Variants in WWOX observed in about 807,000 individuals in gnomAD.
The protein encoded by WWOX is WW domain containing oxidoreductase.
A neutral mutation model predicts 46.2 loss-of-function variants in WWOX; 69 were observed. The ratio of observed to expected loss-of-function variants is 1.49; its 90% CI spans 1.23 to 1.82. The LOEUF (loss-of-function observed/expected upper bound fraction) is 1.82. Among genes scored for constraint, WWOX ranks in the 40% most tolerant of loss-of-function variants. The pLI, the probability that WWOX is intolerant of heterozygous loss-of-function variation, is 0.00. For missense variants in WWOX, 919 were observed against 542.6 expected, an observed-to-expected ratio of 1.69 and a Z score of -6.89; for synonymous variants, 359 against 202.6, an observed-to-expected ratio of 1.77 and a Z score of -6.56.
At chr16:78,246,712 T>C (rs2037825365) in intron 5 of WWOX, among the ~76,000 whole-genome samples, 1 of 152,204 alleles carries the variant, frequency 6.6e-6, no homozygotes, top group African/African-American at 2.4e-5. Context: ...AACTTCCTCT[T>C]CTGAAGCCAG....
chr16:78,758,806 A>G (rs74033557), intron 8 of WWOX, among the ~76,000 whole-genome samples: 2 of 152,090 alleles, frequency 1.3e-5, no homozygotes, highest in Non-Finnish European at 2.9e-5. Flanking sequence ...AGCATTTGCT[A>G]TAAGGAGGAT....
intron 8 of WWOX, among the ~76,000 whole-genome samples, chr16:78,968,549 T>C (rs1198478125): frequency 2.6e-5 from 4 of 152,180 alleles, no homozygotes; most frequent in Admixed American, 2.6e-4. Context: ...CTGTTATAAG[T>C]TGGTTTCACA....
Position 78,307,037 on chromosome 16 carries a change from A to G in WWOX, c.517-79823A>G, listed in dbSNP as rs79193428. The stretch of plus-strand genomic sequence containing the variant: ...TTCTCCATTATATCTTTGTTAGATA[A>G]TAGTTAGCAACCCATTAATAACTTC... On this transcript the variant is annotated intron_variant, in intron 5 of 8. Coordinates refer to ENST00000566780, the MANE Select transcript of WWOX (RefSeq NM_016373.4). Among the ~76,000 whole-genome samples the G allele has an allele frequency of 5.8e-3, 883 of 152,308 alleles. 13 individuals carry two copies. The highest frequency in any genetic ancestry group is 0.02 in the African/African-American group (847 of 41,560).
At chr16:78,718,972 T>A (rs926638161) in intron 8 of WWOX, among the ~76,000 whole-genome samples, 5 of 139,718 alleles carry the variant, frequency 3.6e-5, no homozygotes, top group African/African-American at 1.7e-4. Context: ...CTCATTCACA[T>A]TTTTTTGAGT....
At chr16:78,243,649 C>T (rs144236830) in intron 5 of WWOX, among the ~76,000 whole-genome samples, 206 of 152,256 alleles carry the variant, frequency 1.4e-3, no homozygotes, top group African/African-American at 4.7e-3. Context: ...TGGGTTCAAG[C>T]GATTCTTGTG....
intron 8 of WWOX, among the ~76,000 whole-genome samples, chr16:78,759,815 G>T (rs1042255616): frequency 6.6e-6 from 1 of 152,182 alleles, no homozygotes; most frequent in Admixed American, 6.5e-5. Context: ...GTTTTATGGA[G>T]TGAAAATCAA....
chr16:79,148,718 T>A (rs1434178463), intron 8 of WWOX, among the ~76,000 whole-genome samples: 2 of 152,210 alleles, frequency 1.3e-5, no homozygotes, highest in Admixed American at 6.5e-5. Context: ...ACATGGTATG[T>A]AATTCTATTT....
intron 5 of WWOX, among the ~76,000 whole-genome samples, chr16:78,256,965 G>T (rs561544817): frequency 6.6e-5 from 10 of 152,218 alleles, no homozygotes; most frequent in Admixed American, 6.5e-4. Context: ...AGGTCTAGAT[G>T]CATTTGCTTC....
At chr16:78,936,122 G>A (rs188635091) in intron 8 of WWOX, among the ~76,000 whole-genome samples, 1 of 152,174 alleles carries the variant, frequency 6.6e-6, no homozygotes, top group Non-Finnish European at 1.5e-5. Flanking sequence ...GTAATGATGA[G>A]TTTTGGTCTG....
rs56852814 is a variant in WWOX at position 78,923,794 on chromosome 16, GTTT to G, written c.1057-287793_1057-287791del. ...GATTGCTAGGAACTGTTTTTAGTTA[GTTT>G]TTTTTTTTTTTTTTTTTTTTCAGAC... is the stretch of plus-strand genomic sequence containing the variant. On this transcript the variant is annotated intron_variant, in intron 8 of 8. Coordinates refer to ENST00000566780, the MANE Select transcript of WWOX (RefSeq NM_016373.4). Among the ~76,000 whole-genome samples, 77 of 102,154 alleles carry G rather than the reference GTTT, an allele frequency of 7.5e-4. 2 individuals carry two copies. Among genetic ancestry groups the G allele is most frequent in the East Asian group, 1.1e-3 (4 of 3,562 alleles). 67.0% of individuals were successfully genotyped at this position (102,154 alleles called of 152,430 possible). A position where few individuals can be genotyped will look rare whatever the true frequency, so the allele number is the denominator to read the frequency against.
chr16:79,090,828 T>A (rs956818338), intron 8 of WWOX, among the ~76,000 whole-genome samples: 1 of 152,218 alleles, frequency 6.6e-6, no homozygotes, highest in African/African-American at 2.4e-5. Context: ...TGTTTTTCTT[T>A]TTTTGAGACA....
chr16:78,365,347 TA>T (rs1422340788), intron 5 of WWOX, among the ~76,000 whole-genome samples: 1 of 152,182 alleles, frequency 6.6e-6, no homozygotes, highest in Non-Finnish European at 1.5e-5. Flanking sequence ...TTTTCTTTTT[TA>T]CTTGCTGGAT....
Position 78,328,605 on chromosome 16 carries a change from C to T in WWOX, c.517-58255C>T, listed in dbSNP as rs542175664. Among the ~76,000 whole-genome samples the T allele has an allele frequency of 4.6e-5, 7 of 152,158 alleles. 1 individual carries two copies. The South Asian group carries it at 1.0e-3, about 23-fold the overall frequency. On this transcript the variant is annotated intron_variant, in intron 5 of 8. Transcript: ENST00000566780. ...CAAAGGAGAATAAGATAAATAAGAT[C>T]GAATGTGGAAATTAGATGAATCCGG...
chr16:78,420,648 CT>C (rs1386280505), intron 6 of WWOX, among the ~76,000 whole-genome samples: 1 of 99,094 alleles, frequency 1.0e-5, no homozygotes, highest in Non-Finnish European at 1.7e-5. Context: ...CTAGTGATTG[CT>C]AATTTTTTTT....
intron 5 of WWOX, among the ~76,000 whole-genome samples, chr16:78,226,250 G>T (rs1051217905): frequency 2.0e-5 from 3 of 152,024 alleles, no homozygotes; most frequent in African/African-American, 7.3e-5. Flanking sequence ...CTTGCAGATT[G>T]CACCAAGCCT....
chr16:78,340,906 T>G (rs1392860377), intron 5 of WWOX, among the ~76,000 whole-genome samples: 1 of 119,134 alleles, frequency 8.4e-6, no homozygotes, highest in Non-Finnish European at 2.0e-5. Context: ...ACTTCTGTCA[T>G]TTTTCTGGAG....
chr16:79,080,250 A>T (rs1230283280), intron 8 of WWOX, among the ~76,000 whole-genome samples: 1 of 152,192 alleles, frequency 6.6e-6, no homozygotes, highest in African/African-American at 2.4e-5. Flanking sequence ...ATAGAGACAG[A>T]AACCCACACA....
At position 78,427,190 on chromosome 16, in the gene WWOX, C is replaced by T. The variant is rs369321506; in HGVS notation, c.791+2135C>T. Reference sequence around the variant, plus strand: ...ACCTCCATCAACCTTGGCAGAATCTCTTCGTTGGAGTTAAGACCCCCTGTT... The same window carrying T: ...ACCTCCATCAACCTTGGCAGAATCTTTTCGTTGGAGTTAAGACCCCCTGTT... On this transcript the variant is annotated intron_variant, in intron 7 of 8. Transcript: ENST00000566780. Among the ~76,000 whole-genome samples the T allele has an allele frequency of 1.0e-3, 152 of 152,262 alleles. 3 individuals carry two copies. Among genetic ancestry groups the T allele is most frequent in the African/African-American group, 3.3e-3 (139 of 41,556 alleles).
chr16:79,037,239 C>G (rs2047885371), intron 8 of WWOX, among the ~76,000 whole-genome samples: 1 of 152,204 alleles, frequency 6.6e-6, no homozygotes, highest in Non-Finnish European at 1.5e-5. Context: ...CGTTCTCTCT[C>G]TCTCGCTCCT....
Sources: gnomAD v4.1 joint callset for allele counts (sites outside exome capture counted in the v4.1 genomes callset) on GRCh38, gnomAD v4.1.1 for gene constraint, MANE v1.5 for transcripts, NCBI Gene and HGNC (gene_info 2026-07-23, HGNC 2026-07-21) for gene names.